NRIP1: variants seen among roughly 807,000 people sequenced by gnomAD.
The protein encoded by NRIP1 is nuclear receptor-interacting protein 1.
NRIP1 carries 28 observed loss-of-function variants against 75.0 expected under a neutral mutation model. That is an observed-to-expected ratio of 0.37 (90% CI 0.28 to 0.51). NRIP1 has a LOEUF of 0.51. Among genes scored for constraint, NRIP1 ranks in the 20% least tolerant of loss-of-function variants. The pLI, the probability that NRIP1 is intolerant of heterozygous loss-of-function variation, is 0.92. For missense variants in NRIP1, 1,435 were observed against 1,343.7 expected (o/e 1.07, Z -1.06); for synonymous variants, 526 against 487.6 (o/e 1.08, Z -1.04).
chr21:15,062,120 G>A (rs575824249), intron 1 of NRIP1, among the ~76,000 whole-genome samples: 2 of 152,210 alleles, frequency 1.3e-5, no homozygotes, highest in South Asian at 4.1e-4. Flanking sequence ...TTTCTCTCAG[G>A]CTACACCACT....
At chr21:15,021,830 A>C (rs2088384180) in intron 2 of NRIP1, among the ~76,000 whole-genome samples, 1 of 152,184 alleles carries the variant, frequency 6.6e-6, no homozygotes. Context: ...GCAAATCAAA[A>C]CCATAATGAG....
intron 3 of NRIP1, among the ~76,000 whole-genome samples, chr21:15,012,103 C>T (rs2088117168): frequency 6.6e-6 from 1 of 151,978 alleles, no homozygotes; most frequent in Non-Finnish European, 1.5e-5. Flanking sequence ...TAGTAAAAAC[C>T]TCATAAAACA....
chr21:15,052,337 C>T (rs189855076), intron 1 of NRIP1: 1 of 152,296 alleles, frequency 6.6e-6, no homozygotes, highest in East Asian at 1.9e-4. Flanking sequence ...TATTATCCTT[C>T]GCCATCCTCT....
intron 1 of NRIP1, chr21:15,050,742 A>T: frequency 2.2e-6 from 1 of 456,068 alleles, no homozygotes; most frequent in Admixed American, 2.3e-5. Flanking sequence ...GGCTGGGAAG[A>T]GATTGCCCCT....
At chr21:15,058,744 A>G (rs930493847) in intron 1 of NRIP1, among the ~76,000 whole-genome samples, 7 of 152,212 alleles carry the variant, frequency 4.6e-5, no homozygotes, top group Non-Finnish European at 8.8e-5. Flanking sequence ...AAGCAGTAAC[A>G]TATTTAACAT....
intron 1 of NRIP1, among the ~76,000 whole-genome samples, chr21:15,056,547 T>C (rs970026246): frequency 2.0e-5 from 3 of 152,200 alleles, no homozygotes; most frequent in Non-Finnish European, 4.4e-5. Flanking sequence ...GGAAATAATA[T>C]AAGTTCATTC....
At chr21:14,984,208 T>G (rs901595290) in intron 3 of NRIP1, among the ~76,000 whole-genome samples, 1 of 152,112 alleles carries the variant, frequency 6.6e-6, no homozygotes, top group African/African-American at 2.4e-5. Flanking sequence ...ATATCAACAT[T>G]TGCAACTTCA....
In NRIP1 at chr21:14,965,925, T is replaced by C; in HGVS notation, c.2268A>G (p.Lys756=). The C allele has an allele frequency of 1.9e-6, 3 of 1,614,142 alleles. No homozygotes were observed. The East Asian group carries it at 6.7e-5, about 36-fold the overall frequency. ...TTTGTAAGTCATCACAAGGCTCAGA[T>C]TTTATTTTCACCATCAGTATTTGTT... The part of the protein sequence containing the change: ...LSEQILMVKI[K]SEPCDDLQIP... The change falls in exon 4 of 4, where the codon AAA becomes AAG. Residue 756 remains lysine, a synonymous_variant. Coordinates refer to ENST00000318948, the MANE Select transcript of NRIP1 (RefSeq NM_003489.4).
intron 2 of NRIP1, among the ~76,000 whole-genome samples, chr21:15,036,521 A>G (rs1420633674): frequency 6.7e-6 from 1 of 150,114 alleles, no homozygotes; most frequent in Non-Finnish European, 1.5e-5. Context: ...TTAACCTTTT[A>G]CCATTTCTTT....
intron 2 of NRIP1, among the ~76,000 whole-genome samples, chr21:15,034,502 GA>G (rs527440526): frequency 9.1e-4 from 139 of 152,190 alleles, no homozygotes; most frequent in African/African-American, 3.1e-3. Context: ...TTCCTGGGGG[GA>G]AAAAATGAAT....
chr21:15,062,033 G>T (rs2089434351), intron 1 of NRIP1, among the ~76,000 whole-genome samples: 1 of 152,138 alleles, frequency 6.6e-6, no homozygotes, highest in African/African-American at 2.4e-5. Context: ...CTAAAATAGT[G>T]ATGTTTGACA....
intron 1 of NRIP1, among the ~76,000 whole-genome samples, chr21:15,046,572 A>C (rs1392735481): frequency 1.3e-5 from 2 of 152,172 alleles, no homozygotes; most frequent in African/African-American, 4.8e-5. Context: ...ATTGGTTTCC[A>C]CTTCAAGTCA....
In NRIP1 at chr21:14,979,704, C is replaced by T. The variant is rs183740451; in HGVS notation, c.-334-11178G>A. 3.1e-3 allele frequency among the ~76,000 whole-genome samples: 466 copies of T among 151,866 alleles called. 2 individuals are homozygous for T. The highest frequency in any genetic ancestry group is 4.7e-3 in the Non-Finnish European group (320 of 67,954). ...GTATGTTTGTTTTTTTTAATAGCGACGGGGTTTTACCTTCTTGGCCAGGCT... is the reference window on the plus strand; with the variant it reads ...GTATGTTTGTTTTTTTTAATAGCGATGGGGTTTTACCTTCTTGGCCAGGCT... On this transcript the variant is annotated intron_variant, in intron 3 of 3. Coordinates refer to ENST00000318948, the MANE Select transcript of NRIP1 (RefSeq NM_003489.4).
chr21:15,025,242 A>G (rs2088488512), intron 2 of NRIP1, among the ~76,000 whole-genome samples: 1 of 152,202 alleles, frequency 6.6e-6, no homozygotes. Context: ...GAATGATCAA[A>G]TAAAGTAACA....
chr21:14,972,922 C>A (rs1431215175), intron 3 of NRIP1, among the ~76,000 whole-genome samples: 1 of 152,224 alleles, frequency 6.6e-6, no homozygotes, highest in Non-Finnish European at 1.5e-5. Flanking sequence ...CCACTGCTCA[C>A]CGCCTGCTGT....
In NRIP1 at chr21:14,988,421, T is replaced by TTAGATAGA. The variant is rs3075987; in HGVS notation, c.-334-19903_-334-19896dup. On this transcript the variant is annotated intron_variant, in intron 3 of 3. Coordinates refer to ENST00000318948, the MANE Select transcript of NRIP1 (RefSeq NM_003489.4). ...TGAGGCTTAGGATTGTCTTTTGTCT[T>TTAGATAGA]TAGATAGATAGATAGATAGATAGAT... 0.017 allele frequency among the ~76,000 whole-genome samples: 2,440 copies of TTAGATAGA among 145,902 alleles called. 139 individuals carry two copies. The East Asian group carries it at 0.21, about 13-fold the overall frequency.
chr21:15,062,220 G>A (rs948972238), intron 1 of NRIP1, among the ~76,000 whole-genome samples: 3 of 152,188 alleles, frequency 2.0e-5, no homozygotes, highest in African/African-American at 7.2e-5. Flanking sequence ...TTAATAGACT[G>A]CTTTACCACA....
At chr21:15,029,729 T>C (rs181864195) in intron 2 of NRIP1, among the ~76,000 whole-genome samples, 2 of 152,142 alleles carry the variant, frequency 1.3e-5, no homozygotes, top group Admixed American at 6.5e-5. Flanking sequence ...AGGCAGGAGA[T>C]TGCTTGAGCC....
intron 1 of NRIP1, among the ~76,000 whole-genome samples, chr21:15,053,406 T>G (rs1373154964): frequency 1.3e-5 from 2 of 152,204 alleles, no homozygotes; most frequent in Non-Finnish European, 2.9e-5. Flanking sequence ...GGAACTTTAG[T>G]TTTATTCACC....
Sources: allele counts gnomAD v4.1 joint callset (sites outside exome capture counted in the v4.1 genomes callset), GRCh38; gene constraint gnomAD v4.1.1; transcripts MANE v1.5; gene names NCBI Gene and HGNC (gene_info 2026-07-23, HGNC 2026-07-21).